RBFOX1: variants seen among roughly 807,000 people sequenced by gnomAD.
RBFOX1 encodes the protein RNA binding fox-1 homolog 1.
A neutral mutation model predicts 57.7 loss-of-function variants in RBFOX1; 8 were observed. The ratio of observed to expected loss-of-function variants is 0.14; its 90% CI spans 0.08 to 0.25. RBFOX1 has a LOEUF of 0.25. RBFOX1 is among the 10% of genes least tolerant of loss of function. RBFOX1 has a pLI of 1.00. For synonymous variants in RBFOX1, 326 were observed against 222.4 expected (o/e 1.47, Z -4.15); for missense variants, 611 against 548.5 (o/e 1.11, Z -1.14).
chr16:5,670,218 G>C (rs1441682003), intron 3 of RBFOX1, among the ~76,000 whole-genome samples: 3 of 152,110 alleles, frequency 2.0e-5, no homozygotes, highest in Non-Finnish European at 4.4e-5. Flanking sequence ...ACGGGTCTGA[G>C]GTTTCCTTGT....
intron 1 of RBFOX1, among the ~76,000 whole-genome samples, chr16:5,280,927 C>A (rs1164092432): frequency 5.8e-5 from 8 of 138,400 alleles, no homozygotes; most frequent in Non-Finnish European, 1.2e-4. Flanking sequence ...TTTTTTGTCT[C>A]TGTTGCATTT....
At chr16:7,244,853 C>G (rs1195266396) in intron 4 of RBFOX1, among the ~76,000 whole-genome samples, 1 of 152,074 alleles carries the variant, frequency 6.6e-6, no homozygotes. Context: ...CATGATGGGC[C>G]TAAATAAGAG....
intron 4 of RBFOX1, among the ~76,000 whole-genome samples, chr16:7,366,009 G>A (rs541330261): frequency 3.8e-4 from 58 of 152,308 alleles, no homozygotes; most frequent in Non-Finnish European, 5.9e-5. Context: ...AGAACAGAAA[G>A]ACTCTGTGTC....
chr16:5,551,803 C>A (rs1184204470), intron 2 of RBFOX1, among the ~76,000 whole-genome samples: 1 of 151,686 alleles, frequency 6.6e-6, no homozygotes, highest in Non-Finnish European at 1.5e-5. Context: ...CCCCCACCCC[C>A]CGACAGGTGC....
At chr16:5,827,054 T>G (rs1321430382) in intron 3 of RBFOX1, among the ~76,000 whole-genome samples, 1 of 152,160 alleles carries the variant, frequency 6.6e-6, no homozygotes, top group Non-Finnish European at 1.5e-5. Flanking sequence ...CGAATATTCT[T>G]TCTCCTGTTG....
At chr16:6,919,226 G>T (rs901003607) in intron 3 of RBFOX1, among the ~76,000 whole-genome samples, 2 of 151,880 alleles carry the variant, frequency 1.3e-5, no homozygotes, top group Non-Finnish European at 2.9e-5. Flanking sequence ...CAGGTGATCC[G>T]CCCGCCTCAG....
intron 3 of RBFOX1, among the ~76,000 whole-genome samples, chr16:5,848,955 C>A (rs866374478): frequency 5.5e-4 from 79 of 144,162 alleles, no homozygotes; most frequent in Middle Eastern, 3.5e-3. Flanking sequence ...TCTCAAAAAA[C>A]AAAAAAACAA....
chr16:6,134,852 T>G (rs917254935), intron 1 of RBFOX1, among the ~76,000 whole-genome samples: 1 of 152,052 alleles, frequency 6.6e-6, no homozygotes, highest in African/African-American at 2.4e-5. Flanking sequence ...CCATTTTTTT[T>G]TTATTATTAT....
intron 3 of RBFOX1, among the ~76,000 whole-genome samples, chr16:5,748,003 TG>T (rs1366328508): frequency 6.6e-6 from 1 of 152,212 alleles, no homozygotes; most frequent in Non-Finnish European, 1.5e-5. Flanking sequence ...CTTTCTGTTG[TG>T]GGCATTTAGT....
chr16:5,283,408 G>A (rs2063319281), intron 1 of RBFOX1, among the ~76,000 whole-genome samples: 2 of 152,158 alleles, frequency 1.3e-5, no homozygotes, highest in African/African-American at 4.8e-5. Flanking sequence ...AGCTTGTACT[G>A]TGTGCCTGGA....
chr16:6,017,381 C>T (rs938181183), upstream of RBFOX1, among the ~76,000 whole-genome samples: 3 of 152,156 alleles, frequency 2.0e-5, no homozygotes, highest in African/African-American at 7.2e-5. Context: ...ATCTCATCTC[C>T]CTGCATGGCT....
intron 2 of RBFOX1, among the ~76,000 whole-genome samples, chr16:5,504,838 G>T (rs995859128): frequency 2.6e-5 from 4 of 152,202 alleles, no homozygotes; most frequent in African/African-American, 9.6e-5. Context: ...TGGCATGAGG[G>T]CTTGCTGACC....
intron 5 of RBFOX1, among the ~76,000 whole-genome samples, chr16:7,570,179 A>T (rs72774924): frequency 0.02 from 1,847 of 91,934 alleles, 37 homozygotes; most frequent in African/African-American, 0.077. Context: ...TTTTTTTTTT[A>T]AAAAGTGACT....
chr16:5,678,970 A>G (rs2050249038), intron 3 of RBFOX1, among the ~76,000 whole-genome samples: 2 of 152,226 alleles, frequency 1.3e-5, no homozygotes, highest in African/African-American at 2.4e-5. Flanking sequence ...TTGGGGCTAC[A>G]TGTATGCAGA....
At chr16:7,709,592 C>A in intron 15 of RBFOX1, 1 of 1,531,274 alleles carries the variant, frequency 6.5e-7, no homozygotes, top group Non-Finnish European at 8.7e-7. Context: ...GCCTCTCCTC[C>A]CCTATTACAA....
At chr16:6,082,656 A>G (rs1292243652) in intron 1 of RBFOX1, among the ~76,000 whole-genome samples, 1 of 152,056 alleles carries the variant, frequency 6.6e-6, no homozygotes. Context: ...ATAGGGACGG[A>G]ATGATAAGCT....
chr16:6,973,168 A>G (rs2085970451), intron 3 of RBFOX1, among the ~76,000 whole-genome samples: 1 of 148,666 alleles, frequency 6.7e-6, no homozygotes, highest in South Asian at 2.2e-4. Flanking sequence ...AGACAAGGCC[A>G]TCAGCTTTGA....
chr16:6,493,055 G>A (rs2095669832), intron 2 of RBFOX1, among the ~76,000 whole-genome samples: 1 of 152,084 alleles, frequency 6.6e-6, no homozygotes, highest in Non-Finnish European at 1.5e-5. Context: ...GCCCTATTTG[G>A]ATAATTAAAA....
intron 3 of RBFOX1, among the ~76,000 whole-genome samples, chr16:5,856,187 C>CTATATATATATATATATATATA: frequency 3.2e-5 from 1 of 31,066 alleles, no homozygotes; most frequent in Non-Finnish European, 5.6e-5. Context: ...CTCTCTCTCT[C>CTATATATATATATATATATATA]TATATATATA....
Sources: gnomAD v4.1 joint callset for allele counts (sites outside exome capture counted in the v4.1 genomes callset) on GRCh38, gnomAD v4.1.1 for gene constraint, MANE v1.5 for transcripts, NCBI Gene and HGNC (gene_info 2026-07-23, HGNC 2026-07-21) for gene names.